Variants in ZFAND3 observed in about 807,000 individuals in gnomAD.
ZFAND3 encodes zinc finger AN1-type containing 3.
Under a neutral mutation model 29.6 loss-of-function variants are expected in ZFAND3, and 10 were observed. That is an observed-to-expected ratio of 0.34 (90% CI 0.21 to 0.57). The LOEUF (loss-of-function observed/expected upper bound fraction) is 0.57. ZFAND3 is among the 20% of genes least tolerant of loss of function. The pLI is 0.86. For synonymous variants in ZFAND3, 128 were observed against 112.6 expected (o/e 1.14, Z -0.87); for missense variants, 230 against 304.5 (o/e 0.76, Z 1.82).
chr6:38,139,324 T>C (rs1183864207), intron 5 of ZFAND3, among the ~76,000 whole-genome samples: 1 of 152,140 alleles, frequency 6.6e-6, no homozygotes, highest in Non-Finnish European at 1.5e-5. Context: ...GGATATGTGA[T>C]AAATTACAGA....
intron 2 of ZFAND3, among the ~76,000 whole-genome samples, chr6:37,944,168 A>G (rs1761859429): frequency 6.6e-6 from 1 of 152,204 alleles, no homozygotes; most frequent in South Asian, 2.1e-4. Flanking sequence ...TGTGTTGATT[A>G]TAATTTTTAA....
intron 1 of ZFAND3, among the ~76,000 whole-genome samples, chr6:37,918,541 A>G (rs1205094050): frequency 6.6e-6 from 1 of 152,182 alleles, no homozygotes; most frequent in African/African-American, 2.4e-5. Context: ...GGAAAGATCT[A>G]ATAATAATAC....
At chr6:37,954,579 T>C (rs146901181) in intron 2 of ZFAND3, among the ~76,000 whole-genome samples, 196 of 151,714 alleles carry the variant, frequency 1.3e-3, no homozygotes, top group African/African-American at 3.8e-3. Flanking sequence ...TTATTCCGTA[T>C]GTTTTAATGT....
intron 5 of ZFAND3, among the ~76,000 whole-genome samples, chr6:38,150,030 T>G (rs934288485): frequency 6.6e-6 from 1 of 152,198 alleles, no homozygotes; most frequent in Non-Finnish European, 1.5e-5. Flanking sequence ...AAGCCCTGAC[T>G]GGCAGCAGGT....
intron 2 of ZFAND3, among the ~76,000 whole-genome samples, chr6:38,037,447 C>G (rs1386969308): frequency 1.3e-5 from 2 of 152,176 alleles, no homozygotes; most frequent in Admixed American, 1.3e-4. Context: ...ATTATAATCA[C>G]CAATCCGTCA....
At chr6:38,060,462 C>T (rs1389659658) in intron 2 of ZFAND3, among the ~76,000 whole-genome samples, 1 of 148,802 alleles carries the variant, frequency 6.7e-6, no homozygotes, top group East Asian at 2.0e-4. Context: ...CCCTTTTCTC[C>T]TCTCTCTGCT....
intron 5 of ZFAND3, among the ~76,000 whole-genome samples, chr6:38,127,564 A>G (rs1212072384): frequency 1.3e-5 from 2 of 152,226 alleles, no homozygotes; most frequent in Non-Finnish European, 2.9e-5. Context: ...TGAGGTGATG[A>G]AAGCAAGCCA....
intron 1 of ZFAND3, among the ~76,000 whole-genome samples, chr6:37,927,119 GA>G (rs575702719): frequency 1.1e-3 from 170 of 152,300 alleles, no homozygotes; most frequent in Non-Finnish European, 1.9e-3. Context: ...CCAGAATGTG[GA>G]ATGGATGTCA....
chr6:37,881,697 G>A (rs758086070), intron 1 of ZFAND3, among the ~76,000 whole-genome samples: 4 of 152,064 alleles, frequency 2.6e-5, no homozygotes, highest in Non-Finnish European at 4.4e-5. Flanking sequence ...CTAAAAATAC[G>A]AATTTTTAGT....
intron 2 of ZFAND3, among the ~76,000 whole-genome samples, chr6:37,943,138 A>T (rs1379610116): frequency 1.3e-5 from 2 of 152,154 alleles, no homozygotes; most frequent in African/African-American, 4.8e-5. Context: ...AGAGGAGGCC[A>T]GTTAATTGGA....
At chr6:38,128,181 A>G (rs79287562) in intron 5 of ZFAND3, among the ~76,000 whole-genome samples, 13,068 of 152,264 alleles carry the variant, frequency 0.086, 742 homozygotes, top group East Asian at 0.28. Flanking sequence ...TTTCAGATCA[A>G]TAATAAATTA....
chr6:38,002,113 C>T (rs1369395964), intron 2 of ZFAND3, among the ~76,000 whole-genome samples: 1 of 151,978 alleles, frequency 6.6e-6, no homozygotes, highest in Non-Finnish European at 1.5e-5. Flanking sequence ...ATGTTGTTTT[C>T]CTTAAGAAGA....
intron 4 of ZFAND3, among the ~76,000 whole-genome samples, chr6:38,084,839 G>A (rs940466133): frequency 2.6e-5 from 4 of 152,192 alleles, no homozygotes; most frequent in African/African-American, 9.7e-5. Context: ...GGAAAATTGA[G>A]ATTTCTCAGC....
intron 1 of ZFAND3, among the ~76,000 whole-genome samples, chr6:37,869,599 C>T (rs1401601015): frequency 1.3e-5 from 2 of 151,170 alleles, no homozygotes; most frequent in South Asian, 2.1e-4. Context: ...ACCTCCAACT[C>T]CTGGGCTCAG....
At chr6:37,841,107 A>C (rs1034590623) in intron 1 of ZFAND3, among the ~76,000 whole-genome samples, 4 of 152,308 alleles carry the variant, frequency 2.6e-5, no homozygotes, top group South Asian at 2.1e-4. Context: ...ACACAGAGGA[A>C]ATTTAGAGAT....
At chr6:37,821,903 G>A (rs1483344934) in intron 1 of ZFAND3, among the ~76,000 whole-genome samples, 1 of 152,156 alleles carries the variant, frequency 6.6e-6, no homozygotes, top group Non-Finnish European at 1.5e-5. Flanking sequence ...GCGTGATCTC[G>A]ACTTACTGCA....
chr6:37,829,161 C>T (rs1343343484), intron 1 of ZFAND3, among the ~76,000 whole-genome samples: 1 of 151,838 alleles, frequency 6.6e-6, no homozygotes, highest in Non-Finnish European at 1.5e-5. Context: ...GTGGACTGAT[C>T]AGCAGTGGGT....
intron 4 of ZFAND3, among the ~76,000 whole-genome samples, chr6:38,105,370 A>C (rs1223222350): frequency 2.0e-5 from 3 of 151,992 alleles, no homozygotes; most frequent in African/African-American, 7.2e-5. Flanking sequence ...ATGCCACTGC[A>C]CTCCAGCTCG....
At chr6:37,931,113 T>G (rs1183850644) in intron 2 of ZFAND3, among the ~76,000 whole-genome samples, 1 of 152,222 alleles carries the variant, frequency 6.6e-6, no homozygotes, top group Non-Finnish European at 1.5e-5. Context: ...ATACCCTATT[T>G]TTCCTGATGG....
Sources: gnomAD v4.1 joint callset for allele counts (sites outside exome capture counted in the v4.1 genomes callset) on GRCh38, gnomAD v4.1.1 for gene constraint, MANE v1.5 for transcripts, NCBI Gene and HGNC (gene_info 2026-07-23, HGNC 2026-07-21) for gene names.